Variants in SMC1A observed in about 807,000 individuals in gnomAD.
SMC1A encodes the protein structural maintenance of chromosomes 1A.
SMC1A carries 4 observed loss-of-function variants against 94.5 expected under a neutral mutation model. The observed-to-expected ratio is 0.04, with a 90% CI of 0.02 to 0.10. The LOEUF (loss-of-function observed/expected upper bound fraction) is 0.10. SMC1A is among the 10% of genes least tolerant of loss of function. The pLI, the probability that SMC1A is intolerant of heterozygous loss-of-function variation, is 1.00. For missense variants in SMC1A, 304 were observed against 989.0 expected (o/e 0.31, Z 9.29); for synonymous variants, 345 against 347.7 (o/e 0.99, Z 0.09).
At chrX:53,403,316 G>A (rs1452796275) in intron 15 of SMC1A, among the ~76,000 whole-genome samples, 1 of 110,011 alleles carries the variant, frequency 9.1e-6, no homozygotes, top group Non-Finnish European at 1.9e-5. Flanking sequence ...TCAAGTCACT[G>A]CCAAAGATAA....
chrX:53,395,050 T>C (rs1290158523), intron 18 of SMC1A, among the ~76,000 whole-genome samples, 162 bp from the exon 19 acceptor site: 6 of 112,380 alleles, frequency 5.3e-5, no homozygotes. Flanking sequence ...AAGTTCAAAA[T>C]TGAGCTCTAT....
At chrX:53,389,555 C>A (rs988211822) in intron 19 of SMC1A, among the ~76,000 whole-genome samples, 16 of 110,236 alleles carry the variant, frequency 1.5e-4, no homozygotes, top group Non-Finnish European at 2.7e-4. Flanking sequence ...ATAGTGAAAC[C>A]CCATCTCTAC....
At chrX:53,419,263 A>T (rs2075744924) in intron 1 of SMC1A, among the ~76,000 whole-genome samples, 1 of 110,030 alleles carries the variant, frequency 9.1e-6, no homozygotes, top group Non-Finnish European at 1.9e-5. Flanking sequence ...ACGGCATCTC[A>T]CGCCTGTAAT....
intron 18 of SMC1A, among the ~76,000 whole-genome samples, 154 bp downstream of exon 18, chrX:53,396,073 C>T (rs1248359069): frequency 9.0e-6 from 1 of 111,276 alleles, no homozygotes; most frequent in Non-Finnish European, 1.9e-5. Flanking sequence ...TTCACCACTG[C>T]ACCTTGCCTC....
At chrX:53,398,022 CTAAAAT>C in intron 16 of SMC1A, among the ~76,000 whole-genome samples, 2 of 108,935 alleles carry the variant, frequency 1.8e-5, no homozygotes, top group Non-Finnish European at 3.8e-5. Flanking sequence ...CCCATCTCTA[CTAAAAT>C]ACAAAAAATT....
At chrX:53,414,923 C>A in intron 2 of SMC1A, 53 bp from the exon 3 acceptor site, 1 of 1,197,261 alleles carries the variant, frequency 8.4e-7, no homozygotes, top group Non-Finnish European at 1.1e-6. Flanking sequence ...CTGTCCCAAT[C>A]AACTAGTCTA....
In SMC1A at chrX:53,396,346, T is replaced by C; in HGVS notation, c.2743A>G (p.Ile915Val). 8.3e-7 allele frequency: 1 copy of C among 1,211,789 alleles called. No individual in the cohort carries two copies. Among genetic ancestry groups the C allele is most frequent in the Non-Finnish European group, 1.1e-6 (1 of 895,515 alleles). Residue 915 changes from isoleucine to valine, a missense_variant, in exon 18 of 25, where the codon ATT (isoleucine) becomes GTT (valine). Ile to Val is a conservative substitution (Grantham distance 29). Around this residue, in one of 11 missense-constraint regions of SMC1A, gnomAD observed 35 missense variants for 95.4 expected, o/e 0.37. Coordinates refer to ENST00000322213, the MANE Select transcript of SMC1A (RefSeq NM_006306.4). ...CGCTTCTGTTCAAGCTTGGTCTCAA[T>C]GGCTGTCACCTCCTTCTGTAAATGG... Reference protein sequence around the residue: ...MTHLQKEVTAIETKLEQKRSD... With the variant: ...MTHLQKEVTAVETKLEQKRSD...
At position 53,419,072 on chromosome X, in the gene SMC1A, C is replaced by T. The variant is rs1171047653; in HGVS notation, c.109+3420G>A. Among the ~76,000 whole-genome samples the T allele has an allele frequency of 9.8e-5, 10 of 101,630 alleles. No individual in the cohort carries two copies. The East Asian group carries it at 2.8e-3, about 29-fold the overall frequency. 88.3% of individuals were successfully genotyped at this position (101,630 alleles called of 115,157 possible). Reference sequence around the variant, plus strand: ...AAAAAAAAAAAAAAAAAAGTTTAGTCGGGCTGGTGGATAAGGAGGAACAGT... The same window carrying T: ...AAAAAAAAAAAAAAAAAAGTTTAGTTGGGCTGGTGGATAAGGAGGAACAGT... On this transcript the variant is annotated intron_variant, in intron 1 of 24. Coordinates refer to ENST00000322213, the MANE Select transcript of SMC1A (RefSeq NM_006306.4).
At chrX:53,415,971 T>G in intron 1 of SMC1A, among the ~76,000 whole-genome samples, 1 of 109,254 alleles carries the variant, frequency 9.2e-6, no homozygotes. Flanking sequence ...CCACAATAGG[T>G]GAAACAAACA....
Position 53,396,286 on chromosome X carries a change from T to A in SMC1A, c.2803A>T (p.Met935Leu). The A allele has an allele frequency of 8.3e-7, 1 of 1,211,187 alleles. No individual in the cohort carries two copies. Among genetic ancestry groups the A allele is most frequent in the Non-Finnish European group, 1.1e-6 (1 of 894,982 alleles). The change falls in exon 18 of 25, where the codon ATG (methionine) becomes TTG (leucine). Residue 935 changes from methionine to leucine, a missense_variant. By Grantham distance (15) the Met-to-Leu change is conservative. Transcript: ENST00000322213. Reference protein sequence around the residue: ...DRHNLLQACKMQDIKLPLSKG... With the variant: ...DRHNLLQACKLQDIKLPLSKG... ...GACAGTGGCAACTTAATGTCCTGCA[T>A]CTTACAGGCCTGTAGCAAGTTGTGA...
chrX:53,394,732 C>CA, intron 19 of SMC1A, 46 bp downstream of exon 19: 2 of 365,634 alleles, frequency 5.5e-6, no homozygotes, highest in Non-Finnish European at 1.0e-5. Flanking sequence ...TAGTCCCACT[C>CA]CCACCCAACC....
intron 19 of SMC1A, among the ~76,000 whole-genome samples, chrX:53,392,007 C>A (rs1244975327): frequency 9.1e-6 from 1 of 110,146 alleles, no homozygotes. Flanking sequence ...CCTGGGGGAA[C>A]AAAATATCTA....
chrX:53,396,820 T>A (rs1440360480), intron 16 of SMC1A, among the ~76,000 whole-genome samples: 4 of 111,889 alleles, frequency 3.6e-5, no homozygotes, highest in African/African-American at 1.3e-4. Context: ...ATTTTACAAG[T>A]TATCTAATAT....
intron 16 of SMC1A, among the ~76,000 whole-genome samples, 184 bp downstream of exon 16, chrX:53,399,405 T>C (rs1476572972): frequency 4.4e-5 from 5 of 112,530 alleles, no homozygotes; most frequent in African/African-American, 1.6e-4. Flanking sequence ...GTTTAGGGAC[T>C]ATTTGAAAGT....
chrX:53,385,524 T>C (rs2075601539), intron 19 of SMC1A, among the ~76,000 whole-genome samples: 1 of 109,820 alleles, frequency 9.1e-6, no homozygotes. Flanking sequence ...TCCGCCCGCC[T>C]AGGCCTCCCA....
At chrX:53,384,198 T>C (rs781990060) in intron 19 of SMC1A, among the ~76,000 whole-genome samples, 41 of 110,938 alleles carry the variant, frequency 3.7e-4, no homozygotes, top group African/African-American at 1.3e-3. Context: ...CTTCCAGGAA[T>C]ATGTTTAAGC....
At position 53,383,188 on chromosome X, in the gene SMC1A, C is replaced by T; in HGVS notation, c.3039G>A (p.Gln1013=). 8.4e-7 allele frequency: 1 copy of T among 1,197,110 alleles called. No individual in the cohort carries two copies. Among genetic ancestry groups the T allele is most frequent in the Non-Finnish European group, 1.1e-6 (1 of 886,505 alleles). ...CGGCAATACGCTGAAGCACACTCTG[C>T]TGCTCATTCAGCTTCTGCTGCAGTG... The part of the protein sequence containing the change: ...MNTLQQKLNE[Q]QSVLQRIAAP... The change falls in exon 20 of 25, where the codon CAG becomes CAA. Residue 1013 remains glutamine (Q), a synonymous_variant. Coordinates refer to ENST00000322213, the MANE Select transcript of SMC1A (RefSeq NM_006306.4).
At chrX:53,391,903 T>C (rs2075630850) in intron 19 of SMC1A, among the ~76,000 whole-genome samples, 1 of 110,701 alleles carries the variant, frequency 9.0e-6, no homozygotes. Flanking sequence ...GCAGCATCCC[T>C]GGTGTCTACC....
Position 53,409,155 on chromosome X carries a change from T to C in SMC1A, c.1452A>G (p.Leu484=), listed in dbSNP as rs782631509. Residue 484 remains leucine, a synonymous_variant, in exon 9 of 25, where the codon CTA becomes CTG. Transcript: ENST00000322213. The part of the protein sequence containing the change: ...NKELNQVMEQ[L]GDARIDRQES... Reference sequence around the variant, plus strand: ...CCTGGCGGTCGATGCGGGCATCCCCTAGCTGCTCCATCACCTGGTTCAGCT... The same window carrying C: ...CCTGGCGGTCGATGCGGGCATCCCCCAGCTGCTCCATCACCTGGTTCAGCT... The C allele has an allele frequency of 8.3e-7, 1 of 1,211,781 alleles. No individual in the cohort carries two copies. The highest frequency in any genetic ancestry group is 3.0e-5 in the East Asian group (1 of 33,850).
Sources: allele counts gnomAD v4.1 joint callset (sites outside exome capture counted in the v4.1 genomes callset), GRCh38; gene constraint gnomAD v4.1.1; regional missense constraint gnomAD v4.1.1; transcripts MANE v1.5; gene names NCBI Gene and HGNC (gene_info 2026-07-23, HGNC 2026-07-21).